The following GNG4 variants were observed in gnomAD, a reference collection of about 807,000 sequenced individuals.
The protein encoded by GNG4 is guanine nucleotide-binding protein G(I)/G(S)/G(O) subunit gamma-4.
A neutral mutation model predicts 5.8 loss-of-function variants in GNG4; 4 were observed. That is an observed-to-expected ratio of 0.69 (90% CI 0.34 to 1.57). The LOEUF is 1.57. GNG4 is among the 40% of genes most tolerant of loss of function. The probability of loss-of-function intolerance (pLI) is 0.06; values close to 1 mark genes in which losing one functional copy is unlikely to be tolerated. For missense variants in GNG4, 96 were observed against 95.1 expected (o/e 1.01, Z -0.04); for synonymous variants, 29 against 32.9 (o/e 0.88, Z 0.41).
chr1:235,550,998 C>A lies in GNG4; in HGVS notation c.*1111G>T, dbSNP rs1239664367. The A allele has an allele frequency of 3.3e-5, 5 of 152,312 alleles. No homozygotes were observed. 9.4% of individuals were successfully genotyped at this position (152,312 alleles called of 1,614,324 possible). On this transcript the variant is annotated 3_prime_UTR_variant, in exon 4 of 4. Transcript: ENST00000391854. ...CCCAGTGCTGTGTCCAGAACAGGTC[C>A]TTATATTACTGCAGCCCACAATGGA...
intron 1 of GNG4, among the ~76,000 whole-genome samples, chr1:235,621,665 C>CACT (rs982634184): frequency 6.8e-6 from 1 of 146,428 alleles, no homozygotes; most frequent in African/African-American, 2.5e-5. Context: ...TCTGCAATTC[C>CACT]ACTGCAGTAT....
intron 3 of GNG4, among the ~76,000 whole-genome samples, chr1:235,562,066 C>G (rs1687076417): frequency 6.6e-6 from 1 of 152,192 alleles, no homozygotes; most frequent in Non-Finnish European, 1.5e-5. Context: ...AAAAGACTAT[C>G]TTTGCTTCAT....
At chr1:235,573,540 G>A (rs1571886135) in intron 3 of GNG4, among the ~76,000 whole-genome samples, 1 of 152,068 alleles carries the variant, frequency 6.6e-6, no homozygotes, top group South Asian at 2.1e-4. Flanking sequence ...CACTTTGGGA[G>A]GCCGAGGTGG....
intron 1 of GNG4, among the ~76,000 whole-genome samples, chr1:235,618,118 G>A (rs1043211559): frequency 7.2e-5 from 11 of 152,112 alleles, no homozygotes; most frequent in African/African-American, 2.2e-4. Flanking sequence ...ATCAGTGCAA[G>A]CAAAATTTAG....
At chr1:235,579,078 CAG>C (rs1356841963) in intron 3 of GNG4, among the ~76,000 whole-genome samples, 3 of 135,858 alleles carry the variant, frequency 2.2e-5, no homozygotes. Flanking sequence ...GCCTGGGTGA[CAG>C]AGCAAGACTC....
At chr1:235,641,560 G>A (rs146814292) in intron 1 of GNG4, among the ~76,000 whole-genome samples, 7 of 152,104 alleles carry the variant, frequency 4.6e-5, no homozygotes, top group African/African-American at 1.4e-4. Context: ...GCGTGGTGGC[G>A]GGCGCCTGTA....
At chr1:235,555,767 T>C (rs1180853107) in intron 3 of GNG4, among the ~76,000 whole-genome samples, 1 of 152,160 alleles carries the variant, frequency 6.6e-6, no homozygotes, top group East Asian at 1.9e-4. Flanking sequence ...GATGTTTTGA[T>C]ACGTGTATAC....
chr1:235,578,448 AG>A (rs1687538655), intron 3 of GNG4, among the ~76,000 whole-genome samples: 1 of 152,246 alleles, frequency 6.6e-6, no homozygotes, highest in Non-Finnish European at 1.5e-5. Flanking sequence ...AGACGAAATC[AG>A]TATGTCAAAG....
chr1:235,626,958 C>CAAAAAAAAAAAAAAAAAAAAAAAAAAAAA (rs776506587), intron 1 of GNG4, among the ~76,000 whole-genome samples: 1 of 77,356 alleles, frequency 1.3e-5, no homozygotes, highest in Non-Finnish European at 2.5e-5. Context: ...GACTCTATCT[C>CAAAAAAAAAAAAAAAAAAAAAAAAAAAAA]AAAAAAAAAA....
chr1:235,617,845 A>T (rs982966217), intron 1 of GNG4, among the ~76,000 whole-genome samples: 1 of 148,700 alleles, frequency 6.7e-6, no homozygotes, highest in East Asian at 2.0e-4. Flanking sequence ...AGATTGTGCC[A>T]CCGCACTCCA....
chr1:235,574,823 CTTTCTTTCT>C (rs1247511510), intron 3 of GNG4, among the ~76,000 whole-genome samples: 1 of 151,814 alleles, frequency 6.6e-6, no homozygotes, highest in Non-Finnish European at 1.5e-5. Flanking sequence ...CGACACAATC[CTTTCTTTCT>C]TTTCTTTTTT....
intron 1 of GNG4, among the ~76,000 whole-genome samples, chr1:235,633,779 G>A (rs1688978739): frequency 6.6e-6 from 1 of 152,176 alleles, no homozygotes; most frequent in African/African-American, 2.4e-5. Context: ...ATAAGCCACT[G>A]TGCTCAGCCT....
chr1:235,577,689 C>T (rs1299294904), intron 3 of GNG4, among the ~76,000 whole-genome samples: 4 of 151,964 alleles, frequency 2.6e-5, no homozygotes, highest in South Asian at 4.2e-4. Context: ...TCCACCCGCC[C>T]TGGCCTCCCA....
At chr1:235,601,219 A>C (rs903219077) in intron 1 of GNG4, among the ~76,000 whole-genome samples, 1 of 152,210 alleles carries the variant, frequency 6.6e-6, no homozygotes, top group Non-Finnish European at 1.5e-5. Context: ...GACATCTGAA[A>C]TACATTCCAA....
At chr1:235,607,087 C>T (rs1688379070) in intron 1 of GNG4, among the ~76,000 whole-genome samples, 1 of 151,730 alleles carries the variant, frequency 6.6e-6, no homozygotes, top group South Asian at 2.1e-4. Flanking sequence ...TACAGGTGCG[C>T]ACCACCACAC....
At chr1:235,558,986 C>T (rs1026636641) in intron 3 of GNG4, among the ~76,000 whole-genome samples, 3 of 152,172 alleles carry the variant, frequency 2.0e-5, no homozygotes, top group African/African-American at 7.2e-5. Flanking sequence ...TTACAAGCTT[C>T]AATGATGGGA....
upstream of GNG4, chr1:235,649,852 T>G (rs530900584): frequency 2.4e-4 from 34 of 138,906 alleles, no homozygotes; most frequent in African/African-American, 8.8e-4. This position sits in a 1 kb window ranked among gnomAD's most constrained non-coding sequence, Gnocchi z 5.7. Context: ...CCTCCCGCCC[T>G]GCAGGGCCCG....
chr1:235,584,572 A>G (rs1341580004), intron 2 of GNG4, among the ~76,000 whole-genome samples: 1 of 152,220 alleles, frequency 6.6e-6, no homozygotes, highest in African/African-American at 2.4e-5. Flanking sequence ...CCAAGCATAG[A>G]TTTATTTTCT....
rs1357142008 is a variant in GNG4, at chr1:235,649,683, G to T, written c.-144C>A. 2.0e-5 allele frequency: 3 copies of T among 152,076 alleles called. No homozygotes were observed. Among genetic ancestry groups the T allele is most frequent in the African/African-American group, 4.8e-5 (2 of 41,444 alleles). 9.4% of individuals were successfully genotyped at this position (152,076 alleles called of 1,614,324 possible). ...TTACCCGGAGCGGGATCACGCGCGG[G>T]CTTCGTCTGCAGCGCGGTGCTCGCG... On this transcript the variant is annotated 5_prime_UTR_variant, in exon 1 of 4. Coordinates refer to ENST00000391854, the MANE Select transcript of GNG4 (RefSeq NM_001098722.2). The surrounding 1 kb of genome is among the most constrained non-coding windows in gnomAD (Gnocchi z 5.7).
Sources: allele counts gnomAD v4.1 joint callset (sites outside exome capture counted in the v4.1 genomes callset), GRCh38; gene constraint gnomAD v4.1.1; non-coding constraint Gnocchi (gnomAD v3.1); transcripts MANE v1.5; gene names NCBI Gene and HGNC (gene_info 2026-07-23, HGNC 2026-07-21).